The following SLC33A2 variants were observed in gnomAD, a reference collection of about 807,000 sequenced individuals.
SLC33A2 encodes major facilitator superfamily domain containing 3.
chr8:144,509,772 G>A, the SLC33A2 span: 22 of 1,558,032 alleles, frequency 1.4e-5, no homozygotes, highest in Non-Finnish European at 1.9e-5. Flanking sequence ...CAAGCTGGGG[G>A]CCGCGCTAGC....
chr8:144,509,651 G>A, the SLC33A2 span: 10 of 1,547,096 alleles, frequency 6.5e-6, no homozygotes, highest in East Asian at 4.8e-5. Context: ...GGTTGCTGCT[G>A]TTGTTGAACC....
the SLC33A2 span, chr8:144,510,883 C>A: frequency 6.2e-7 from 1 of 1,607,420 alleles, no homozygotes; most frequent in Admixed American, 1.7e-5. Flanking sequence ...CTGCAGCCAG[C>A]TGGCCCCCAG....
the SLC33A2 span, chr8:144,510,142 C>T: frequency 7.5e-7 from 1 of 1,328,384 alleles, no homozygotes; most frequent in Non-Finnish European, 1.0e-6. Context: ...AAGACTTGGC[C>T]CTGACATCCG....
chr8:144,509,963 A>T, the SLC33A2 span: 1 of 1,595,992 alleles, frequency 6.3e-7, no homozygotes, highest in Non-Finnish European at 8.5e-7. Context: ...GGGACGTGCT[A>T]GCCGTGCCGG....
the SLC33A2 span, chr8:144,511,187 T>G: frequency 6.2e-7 from 1 of 1,602,096 alleles, no homozygotes; most frequent in Non-Finnish European, 8.5e-7. Flanking sequence ...GAGTGGTCAA[T>G]AAAGCCACAT....
chr8:144,509,916 C>G, the SLC33A2 span: 10 of 1,567,942 alleles, frequency 6.4e-6, no homozygotes, highest in Middle Eastern at 1.7e-4. Context: ...ACAGCAGCCC[C>G]CTTCCGAGCA....
At chr8:144,511,111 C>T in the SLC33A2 span, 3 of 1,610,462 alleles carry the variant, frequency 1.9e-6, no homozygotes, top group East Asian at 2.2e-5. Flanking sequence ...CCTGCTCATC[C>T]TCTCTGCCTT....
chr8:144,509,342 G>T, the SLC33A2 span: 1 of 1,467,114 alleles, frequency 6.8e-7, no homozygotes, highest in East Asian at 2.7e-5. Flanking sequence ...CCATGCGCGG[G>T]AAGTTGCTGC....
the SLC33A2 span, chr8:144,509,397 C>T: frequency 1.3e-6 from 2 of 1,526,154 alleles, no homozygotes; most frequent in Admixed American, 2.0e-5. Context: ...CTACGGGCTC[C>T]AGTCCGGCCT....
chr8:144,510,246 C>T, the SLC33A2 span: 8 of 1,494,882 alleles, frequency 5.4e-6, no homozygotes, highest in South Asian at 3.8e-5. Context: ...CCCCCAGTAT[C>T]TGCAGCTCTG....
chr8:144,510,467 G>T, the SLC33A2 span: 2 of 1,612,734 alleles, frequency 1.2e-6, no homozygotes, highest in African/African-American at 2.7e-5. Context: ...CTGCTCCATC[G>T]CTGGCTCCTC....
the SLC33A2 span, chr8:144,510,267 GAGAGC>G: frequency 6.4e-7 from 1 of 1,552,378 alleles, no homozygotes; most frequent in Non-Finnish European, 8.7e-7. Context: ...GAACACTGAG[GAGAGC>G]AGGGCAGGAC....
chr8:144,510,884 T>C, the SLC33A2 span: 80 of 1,607,262 alleles, frequency 5.0e-5, no homozygotes, highest in Non-Finnish European at 5.9e-6. Flanking sequence ...TGCAGCCAGC[T>C]GGCCCCCAGG....
At chr8:144,510,029 C>A in the SLC33A2 span, 1 of 1,587,550 alleles carries the variant, frequency 6.3e-7, no homozygotes, top group South Asian at 1.1e-5. Context: ...AGTGAGGCCT[C>A]GAGCCAGGCA....
chr8:144,510,043 G>A, the SLC33A2 span: 61 of 1,579,288 alleles, frequency 3.9e-5, no homozygotes, highest in African/African-American at 6.7e-4. Flanking sequence ...CCAGGCAACA[G>A]CAGTTGGGGC....
the SLC33A2 span, chr8:144,510,139 G>A: frequency 7.5e-7 from 1 of 1,329,646 alleles, no homozygotes; most frequent in Non-Finnish European, 1.0e-6. Flanking sequence ...TGCAAGACTT[G>A]GCCCTGACAT....
chr8:144,510,221 G>T, the SLC33A2 span: 56 of 1,399,812 alleles, frequency 4.0e-5, no homozygotes, highest in Non-Finnish European at 5.4e-5. Context: ...CGCTCTCTCG[G>T]GCTGCCCCAC....
At chr8:144,509,387 C>T in the SLC33A2 span, 5 of 1,524,904 alleles carry the variant, frequency 3.3e-6, no homozygotes, top group South Asian at 4.9e-5. Flanking sequence ...AGGGCCTGCC[C>T]TACGGGCTCC....
At chr8:144,509,562 C>T in the SLC33A2 span, 3 of 1,520,720 alleles carry the variant, frequency 2.0e-6, no homozygotes, top group Admixed American at 2.0e-5. Context: ...CACGGCGGGC[C>T]TGGGCCTGGT....
Sources: allele counts gnomAD v4.1 joint callset, GRCh38; gene constraint gnomAD v4.1.1; transcripts MANE v1.5; gene names NCBI Gene and HGNC (gene_info 2026-07-23, HGNC 2026-07-21).